The following GRIN1 variants were observed in gnomAD, a reference collection of about 807,000 sequenced individuals.
GRIN1 encodes the protein glutamate receptor ionotropic, NMDA 1.
Under a neutral mutation model 103.0 loss-of-function variants are expected in GRIN1, and 38 were observed. The observed-to-expected ratio is 0.37, with a 90% confidence interval of 0.28 to 0.48. The LOEUF is 0.48. Ranked by LOEUF, GRIN1 falls within the 20% of genes least tolerant of loss-of-function variation. The pLI, the probability that GRIN1 is intolerant of heterozygous loss-of-function variation, is 0.98. For synonymous variants in GRIN1, 544 were observed against 532.7 expected, an observed-to-expected ratio of 1.02 and a Z score of -0.29; for missense variants, 577 against 1,288.9, an observed-to-expected ratio of 0.45 and a Z score of 8.46.
At chr9:137,145,444 A>G (rs1409937945) in intron 2 of GRIN1, among the ~76,000 whole-genome samples, 1 of 121,564 alleles carries the variant, frequency 8.2e-6, no homozygotes, top group Non-Finnish European at 1.7e-5. Flanking sequence ...GATGGGAGAC[A>G]CGAGGGGGTC....
intron 18 of GRIN1, 174 bp from the exon 19 acceptor site, chr9:137,165,012 A>G: frequency 1.5e-6 from 1 of 652,266 alleles, no homozygotes; most frequent in Non-Finnish European, 2.8e-6. Context: ...CCCGGGCAGG[A>G]GAAGAGGCCA....
rs549817749 is a variant in GRIN1 at position 137,149,295 on chromosome 9, C to A, written c.671+186C>A. On this transcript the variant is annotated intron_variant, in intron 4 of 19. Coordinates refer to ENST00000371561, the MANE Select transcript of GRIN1 (RefSeq NM_007327.4). ...TCCTATCGGCATGGCTGATGTGACA[C>A]CCTCCATCTGTCCCTCCCTTCCTGG... Among the ~76,000 whole-genome samples the A allele has an allele frequency of 4.6e-5, 7 of 152,236 alleles. No individual in the cohort carries two copies. In the East Asian group the frequency reaches 1.2e-3, roughly 25 times the overall value.
Position 137,168,718 on chromosome 9 carries a change from C to T in GRIN1, c.*1191C>T. The T allele has an allele frequency of 1.6e-6, 1 of 641,486 alleles. No homozygotes were observed. Among genetic ancestry groups the T allele is most frequent in the Non-Finnish European group, 2.2e-6 (1 of 460,354 alleles). 39.7% of individuals were successfully genotyped at this position (641,486 alleles called of 1,614,324 possible). A position where few individuals can be genotyped will look rare whatever the true frequency, so the allele number is the denominator to read the frequency against. The stretch of plus-strand genomic sequence containing the variant: ...CGCGCACCGCCCAACCCCCACCTCC[C>T]GGTGTATGCAGTGGTGATGCCTAAA... On this transcript the variant is annotated 3_prime_UTR_variant, in exon 20 of 20. Coordinates refer to ENST00000371561, the MANE Select transcript of GRIN1 (RefSeq NM_007327.4).
intron 4 of GRIN1, among the ~76,000 whole-genome samples, chr9:137,150,687 GAA>G (rs749479976): frequency 1.6e-5 from 2 of 124,518 alleles, no homozygotes; most frequent in Admixed American, 8.4e-5. Flanking sequence ...GCCCCGCCCA[GAA>G]AAAAAGACCT....
rs745516636 is a variant in GRIN1, at chr9:137,162,851, G to A, written c.2019G>A (p.Arg673=). The change falls in exon 15 of 20, where the codon AGG becomes AGA. Residue 673 remains arginine (R), a synonymous_variant. Coordinates refer to ENST00000371561, the MANE Select transcript of GRIN1 (RefSeq NM_007327.4). ...CCTGCCCTCCGACCCTGCAGCTGAG[G>A]AACCCCTCGGACAAGTTTATCTACG... The part of the protein sequence containing the change: ...RITGINDPRL[R]NPSDKFIYAT... The A allele has an allele frequency of 6.2e-7, 1 of 1,612,194 alleles. No homozygotes were observed. Among genetic ancestry groups the A allele is most frequent in the East Asian group, 2.2e-5 (1 of 44,864 alleles).
Position 137,167,745 on chromosome 9 carries a change from C to T in GRIN1, c.*218C>T, listed in dbSNP as rs769668431. ...GTGCCCCCAGCGTGGGGCTAACGGG[C>T]GCCTTGTCTGTGTATTTCTATTTTG... On this transcript the variant is annotated 3_prime_UTR_variant, in exon 20 of 20. Coordinates refer to ENST00000371561, the MANE Select transcript of GRIN1 (RefSeq NM_007327.4). 9 of 1,610,986 alleles carry T rather than the reference C, an allele frequency of 5.6e-6. No homozygotes were observed. Among genetic ancestry groups the T allele is most frequent in the Non-Finnish European group, 8.5e-7 (1 of 1,178,922 alleles).
intron 1 of GRIN1, 136 bp from the exon 2 acceptor site, chr9:137,141,877 G>A (rs575518629): frequency 2.1e-4 from 197 of 928,136 alleles, no homozygotes; most frequent in South Asian, 2.3e-4. Flanking sequence ...GCCTGGGCAT[G>A]TAGCATGTAC....
At chr9:137,162,115 G>GGGGGGT in intron 11 of GRIN1, 27 bp downstream of exon 11, 1 of 1,525,006 alleles carries the variant, frequency 6.6e-7, no homozygotes, top group Non-Finnish European at 8.9e-7. Flanking sequence ...TGGCGGGGTG[G>GGGGGGT]CGGCGGGGGG....
intron 2 of GRIN1, 41 bp from the exon 3 acceptor site, chr9:137,145,685 C>T (rs1175714306): frequency 3.8e-6 from 6 of 1,575,638 alleles, no homozygotes; most frequent in Middle Eastern, 2.1e-4. Flanking sequence ...GGCGGGTCCC[C>T]GCGGGTCCAC....
chr9:137,168,215 C>G lies in GRIN1; in HGVS notation c.*688C>G, dbSNP rs1833981527. On this transcript the variant is annotated 3_prime_UTR_variant, in exon 20 of 20. Transcript: ENST00000371561. ...GCCTGAGCCACAGTGGGGCCCATGG[C>G]CCCAGCTGGCTGGGTCGCCCCTCCT... The G allele has an allele frequency of 9.1e-6, 3 of 329,086 alleles. No individual in the cohort carries two copies. Among genetic ancestry groups the G allele is most frequent in the South Asian group, 3.4e-5 (1 of 29,584 alleles). The allele number at this position is 329,086 out of a possible 1,614,324, so 20.4% of individuals were successfully genotyped here. A position where few individuals can be genotyped will look rare whatever the true frequency, so the allele number is the denominator to read the frequency against.
In GRIN1 at chr9:137,145,625, G is replaced by A. The variant is rs1239509407; in HGVS notation, c.394-101G>A. 5 of 943,852 alleles carry A rather than the reference G, an allele frequency of 5.3e-6. No individual in the cohort carries two copies. The East Asian group carries it at 1.3e-4, about 25-fold the overall frequency. 58.5% of individuals were successfully genotyped at this position (943,852 alleles called of 1,614,324 possible). A position where few individuals can be genotyped will look rare whatever the true frequency, so the allele number is the denominator to read the frequency against. ...GGGTGGGGACAGGGGTGGGAGGAGG[G>A]GGGTTCCCAGCCTCCGGCGGGTGTT... On this transcript the variant is annotated intron_variant, in intron 2 of 19. Transcript: ENST00000371561.
intron 4 of GRIN1, among the ~76,000 whole-genome samples, chr9:137,155,296 T>C (rs1456501576): frequency 1.3e-5 from 2 of 152,190 alleles, no homozygotes; most frequent in Non-Finnish European, 2.9e-5. Context: ...CGTGTGGTGT[T>C]GGGTCTTGCT....
Position 137,168,231 on chromosome 9 carries a change from C to A in GRIN1, c.*704C>A. The A allele has an allele frequency of 3.3e-6, 1 of 300,528 alleles. No individual in the cohort carries two copies. The highest frequency in any genetic ancestry group is 6.3e-6 in the Non-Finnish European group (1 of 159,714). The allele number at this position is 300,528 out of a possible 1,614,324, so 18.6% of individuals were successfully genotyped here. ...GGCCCATGGCCCCAGCTGGCTGGGTCGCCCCTCCTCGGGCGCCTGCGCTCC... is the reference window on the plus strand; with the variant it reads ...GGCCCATGGCCCCAGCTGGCTGGGTAGCCCCTCCTCGGGCGCCTGCGCTCC... On this transcript the variant is annotated 3_prime_UTR_variant, in exon 20 of 20. Coordinates refer to ENST00000371561, the MANE Select transcript of GRIN1 (RefSeq NM_007327.4).
At chr9:137,162,375 C>G (rs1265090080) in intron 12 of GRIN1, 29 bp from the exon 13 acceptor site, 1 of 1,570,772 alleles carries the variant, frequency 6.4e-7, no homozygotes, top group Non-Finnish European at 8.6e-7. Context: ...CTCCCGCCCT[C>G]TCTCCCGCCC....
At chr9:137,164,983 G>C (rs1833788793) in intron 18 of GRIN1, 1 of 582,458 alleles carries the variant, frequency 1.7e-6, no homozygotes, top group African/African-American at 1.9e-5. Flanking sequence ...CCCAGCACGA[G>C]CAAGGTCAGG....
rs575292948 is a variant in GRIN1, at chr9:137,164,304, AC to A, written c.2589+408del. ...CCAAGCCCCTTGACACCCTTCGGAG[AC>A]CCCCCCCTTTCCTGCTATGTCCTTG... On this transcript the variant is annotated intron_variant, in intron 18 of 19. Transcript: ENST00000371561. The A allele has an allele frequency of 9.1e-4, 246 of 270,878 alleles. 2 individuals carry two copies. The highest frequency in any genetic ancestry group is 4.0e-3 in the African/African-American group (175 of 43,500). 16.8% of individuals were successfully genotyped at this position (270,878 alleles called of 1,614,324 possible). A position where few individuals can be genotyped will look rare whatever the true frequency, so the allele number is the denominator to read the frequency against.
Position 137,142,159 on chromosome 9 carries a change from T to C in GRIN1, c.393+12T>C, listed in dbSNP as rs200904914. 11 of 1,613,684 alleles carry C rather than the reference T, an allele frequency of 6.8e-6. No individual in the cohort carries two copies. Among genetic ancestry groups the C allele is most frequent in the Admixed American group, 1.7e-5 (1 of 60,014 alleles). On this transcript the variant is annotated intron_variant, in intron 2 of 19. Transcript: ENST00000371561. ...TCTACTCGGACAAGGTAAGCCTGACTGCCAGACCAGGCCTTCCGGCCCTCG... is the reference window on the plus strand; with the variant it reads ...TCTACTCGGACAAGGTAAGCCTGACCGCCAGACCAGGCCTTCCGGCCCTCG...
At chr9:137,144,400 A>G (rs964090763) in intron 2 of GRIN1, among the ~76,000 whole-genome samples, 3 of 149,188 alleles carry the variant, frequency 2.0e-5, no homozygotes, top group South Asian at 2.1e-4. Context: ...CACGCCTGTA[A>G]TCCCAGCACT....
chr9:137,145,680 GT>G (rs748102916), intron 2 of GRIN1, 45 bp from the exon 3 acceptor site: 2 of 1,364,718 alleles, frequency 1.5e-6, no homozygotes, highest in Admixed American at 3.8e-5. Flanking sequence ...GGGAGGGCGG[GT>G]CCCCGCGGGT....
Sources: gnomAD v4.1 joint callset for allele counts (sites outside exome capture counted in the v4.1 genomes callset) on GRCh38, gnomAD v4.1.1 for gene constraint, MANE v1.5 for transcripts, NCBI Gene and HGNC (gene_info 2026-07-23, HGNC 2026-07-21) for gene names.